Variants in NSD3 observed in about 807,000 individuals in gnomAD.
The protein encoded by NSD3 is histone-lysine N-methyltransferase NSD3.
A neutral mutation model predicts 160.8 loss-of-function variants in NSD3; 24 were observed. The ratio of observed to expected loss-of-function variants is 0.15; its 90% CI spans 0.11 to 0.21. The LOEUF (loss-of-function observed/expected upper bound fraction) is 0.21, where lower values mean the gene tolerates loss of function less well. Among genes scored for constraint, NSD3 ranks in the 10% least tolerant of loss-of-function variants. NSD3 has a pLI of 1.00. For missense variants in NSD3, 1,157 were observed against 1,735.9 expected, an observed-to-expected ratio of 0.67 and a Z score of 5.93; for synonymous variants, 520 against 600.0, an observed-to-expected ratio of 0.87 and a Z score of 1.95.
At chr8:38,376,094 C>A (rs1563373289) in intron 1 of NSD3, among the ~76,000 whole-genome samples, 1 of 152,030 alleles carries the variant, frequency 6.6e-6, no homozygotes, top group African/African-American at 2.4e-5. Context: ...ACCAATGTCT[C>A]TATTTTTTTT....
At position 38,288,798 on chromosome 8, in the gene NSD3, G is replaced by A. The variant is rs759498765; in HGVS notation, c.3232-42C>T. ...CAAGCGAGAGAGAGGCAGCAGGTAAGTCATCTGGCAATGTGAACAGGAACA... is the reference window on the plus strand; with the variant it reads ...CAAGCGAGAGAGAGGCAGCAGGTAAATCATCTGGCAATGTGAACAGGAACA... On this transcript the variant is annotated intron_variant, in intron 18 of 23. Transcript: ENST00000317025. The surrounding 1 kb of genome is among the most constrained non-coding windows in gnomAD (Gnocchi z 4.5). 2.8e-5 allele frequency: 44 copies of A among 1,598,152 alleles called. No individual in the cohort carries two copies. In the South Asian group the frequency reaches 4.6e-4, roughly 17 times the overall value.
chr8:38,295,907 G>C lies in NSD3; in HGVS notation c.2804C>G (p.Pro935Arg). ...TGGCATTTCTATGCTTAGGCATTCC[G>C]GGTGGAAGGAAGCTGGGCACGATTC... ...CCESCPASFHPECLSIEMPEG... is the reference protein window; with the variant it reads ...CCESCPASFHRECLSIEMPEG... Residue 935 changes from proline (P) to arginine (R), a missense_variant, in exon 16 of 24, where the codon CCG becomes CGG. Coordinates refer to ENST00000317025, the MANE Select transcript of NSD3 (RefSeq NM_023034.2). The C allele has an allele frequency of 1.2e-6, 2 of 1,613,664 alleles. No individual in the cohort carries two copies.
chr8:38,272,759 T>A lies in NSD3; in HGVS notation c.*2882A>T, dbSNP rs1808513847. On this transcript the variant is annotated 3_prime_UTR_variant, in exon 24 of 24. Transcript: ENST00000317025. ...CACTTACACTCTGACCACATATAGATTTAAAAGTTAACAAATACCAACTTC... is the reference window on the plus strand; with the variant it reads ...CACTTACACTCTGACCACATATAGAATTAAAAGTTAACAAATACCAACTTC... The A allele has an allele frequency of 6.6e-6, 1 of 152,218 alleles. No homozygotes were observed. Among genetic ancestry groups the A allele is most frequent in the Non-Finnish European group, 1.5e-5 (1 of 68,038 alleles). 9.4% of individuals were successfully genotyped at this position (152,218 alleles called of 1,614,324 possible).
intron 4 of NSD3, among the ~76,000 whole-genome samples, chr8:38,334,912 G>A (rs2150377717): frequency 6.6e-6 from 1 of 151,668 alleles, no homozygotes; most frequent in Middle Eastern, 3.4e-3. Context: ...CAGACTTCTG[G>A]TAGTAATATA....
chr8:38,296,548 G>A (rs1809149299), intron 15 of NSD3, among the ~76,000 whole-genome samples: 1 of 152,050 alleles, frequency 6.6e-6, no homozygotes, highest in Admixed American at 6.5e-5. Context: ...AAGATTTACA[G>A]GCTATACAGC....
chr8:38,325,089 G>C (rs1809875642), intron 7 of NSD3, among the ~76,000 whole-genome samples: 1 of 152,192 alleles, frequency 6.6e-6, no homozygotes, highest in South Asian at 2.1e-4. Context: ...TAAACCCAAG[G>C]AGGGGGTCAC....
chr8:38,307,114 CAAAA>C (rs1194554014), intron 12 of NSD3, among the ~76,000 whole-genome samples: 55 of 64,242 alleles, frequency 8.6e-4, no homozygotes, highest in African/African-American at 2.8e-3. Flanking sequence ...GATACCGTCT[CAAAA>C]AAAAAAAAAA....
chr8:38,366,418 C>CTTTTTTTTTTTTTTTT (rs374656504), intron 1 of NSD3, among the ~76,000 whole-genome samples: 1 of 132,174 alleles, frequency 7.6e-6, no homozygotes, highest in Non-Finnish European at 1.6e-5. Flanking sequence ...CTACTTAATT[C>CTTTTTTTTTTTTTTTT]TTTTTTTTTT....
At chr8:38,290,706 A>C (rs372873058) in intron 16 of NSD3, 29 bp from the exon 17 acceptor site, 29 of 1,609,454 alleles carry the variant, frequency 1.8e-5, no homozygotes, top group Non-Finnish European at 2.1e-5. Flanking sequence ...TTAGATCAAG[A>C]GGGCAAAAAC....
At chr8:38,291,925 G>A (rs1369271129) in intron 16 of NSD3, among the ~76,000 whole-genome samples, 1 of 152,188 alleles carries the variant, frequency 6.6e-6, no homozygotes, top group East Asian at 1.9e-4. Context: ...ACGGATGGAA[G>A]TCTTTCCAAA....
At chr8:38,363,235 G>A (rs1811028259) in intron 1 of NSD3, among the ~76,000 whole-genome samples, 1 of 152,198 alleles carries the variant, frequency 6.6e-6, no homozygotes, top group African/African-American at 2.4e-5. Flanking sequence ...TGCTGCAATG[G>A]AGAGATTATC....
chr8:38,354,854 A>T lies in NSD3; in HGVS notation c.-44-6639T>A, dbSNP rs545980079. ...GTGCCATGTTCTAAGCAAACAAGCT[A>T]AAGGGGCCACATTGTTATATTTTCT... On this transcript the variant is annotated intron_variant, in intron 1 of 23. Transcript: ENST00000317025. Among the ~76,000 whole-genome samples, 36 of 152,328 alleles carry T rather than the reference A, an allele frequency of 2.4e-4. No homozygotes were observed. In the East Asian group the frequency reaches 5.8e-3, roughly 24 times the overall value.
In NSD3 at chr8:38,272,815, A is replaced by G. The variant is rs1175524366; in HGVS notation, c.*2826T>C. Reference sequence around the variant, plus strand: ...ATGAGTGAGCAATGTCTTTTGGAATATTTCATTGGTGTATCACAGGCACAG... The same window carrying G: ...ATGAGTGAGCAATGTCTTTTGGAATGTTTCATTGGTGTATCACAGGCACAG... On this transcript the variant is annotated 3_prime_UTR_variant, in exon 24 of 24. Transcript: ENST00000317025. 6.6e-6 allele frequency: 1 copy of G among 152,206 alleles called. No homozygotes were observed. Among genetic ancestry groups the G allele is most frequent in the African/African-American group, 2.4e-5 (1 of 41,444 alleles). 9.4% of individuals were successfully genotyped at this position (152,206 alleles called of 1,614,324 possible).
Position 38,331,418 on chromosome 8 carries a change from A to G in NSD3, c.1065+13T>C, listed in dbSNP as rs1268494031. The G allele has an allele frequency of 6.3e-7, 1 of 1,581,174 alleles. No individual in the cohort carries two copies. Among genetic ancestry groups the G allele is most frequent in the Non-Finnish European group, 8.6e-7 (1 of 1,165,426 alleles). Reference sequence around the variant, plus strand: ...AAACCATACTAGGTAAATAATATTAACATGTTAGTTACCTTTTGTTTCTCA... The same window carrying G: ...AAACCATACTAGGTAAATAATATTAGCATGTTAGTTACCTTTTGTTTCTCA... On this transcript the variant is annotated intron_variant, in intron 5 of 23. Coordinates refer to ENST00000317025, the MANE Select transcript of NSD3 (RefSeq NM_023034.2).
intron 4 of NSD3, chr8:38,335,888 T>C (rs1183136664): frequency 6.6e-6 from 1 of 152,264 alleles, no homozygotes; most frequent in Non-Finnish European, 1.5e-5. Flanking sequence ...AGAGAACTAC[T>C]GAACACAGGA....
rs1906672 is a variant in NSD3 at position 38,272,507 on chromosome 8, G to A, written c.*3134C>T. ...AGGCAGCTCTTCTGATTCTTCCCTC[G>A]CAGCAGTGGCGGTCCAGCCCCTCCC... On this transcript the variant is annotated 3_prime_UTR_variant, in exon 24 of 24. Transcript: ENST00000317025. 0.21 allele frequency: 31,662 copies of A among 152,094 alleles called. 3,544 individuals are homozygous for A. Among genetic ancestry groups the A allele is most frequent in the East Asian group, 0.32 (1,673 of 5,170 alleles). The allele number at this position is 152,094 out of a possible 1,614,324, so 9.4% of individuals were successfully genotyped here. A position where few individuals can be genotyped will look rare whatever the true frequency, so the allele number is the denominator to read the frequency against.
At chr8:38,344,808 C>G (rs1435604794) in intron 2 of NSD3, among the ~76,000 whole-genome samples, 1 of 152,104 alleles carries the variant, frequency 6.6e-6, no homozygotes, top group Admixed American at 6.5e-5. Context: ...TCAGTGGATG[C>G]TTCTTTGGGC....
chr8:38,294,852 GT>G (rs1554523162), intron 16 of NSD3, among the ~76,000 whole-genome samples: 1 of 150,498 alleles, frequency 6.6e-6, no homozygotes, highest in South Asian at 2.1e-4. Flanking sequence ...AATTTTTAAA[GT>G]TTTTTTTTGG....
At chr8:38,280,870 G>A (rs544211948) in intron 20 of NSD3, among the ~76,000 whole-genome samples, 18 of 150,992 alleles carry the variant, frequency 1.2e-4, no homozygotes, top group South Asian at 2.1e-4. Context: ...CTCCTGCCTC[G>A]GCCTCCTGAG....
Sources: allele counts gnomAD v4.1 joint callset (sites outside exome capture counted in the v4.1 genomes callset), GRCh38; gene constraint gnomAD v4.1.1; non-coding constraint Gnocchi (gnomAD v3.1); transcripts MANE v1.5; gene names NCBI Gene and HGNC (gene_info 2026-07-23, HGNC 2026-07-21).